Variants in LRP1B observed in about 807,000 individuals in gnomAD.
The protein encoded by LRP1B is low-density lipoprotein receptor-related protein 1B.
LRP1B carries 217 observed loss-of-function variants against 556.6 expected under a neutral mutation model. The ratio of observed to expected loss-of-function variants is 0.39; its 90% CI spans 0.35 to 0.44. The LOEUF (loss-of-function observed/expected upper bound fraction) is 0.44. LRP1B is among the 20% of genes least tolerant of loss of function. The pLI, the probability that LRP1B is intolerant of heterozygous loss-of-function variation, is 1.00. For synonymous variants in LRP1B, 2,047 were observed against 1,865.8 expected (o/e 1.10, Z -2.50); for missense variants, 5,053 against 5,620.8 (o/e 0.90, Z 3.23).
At chr2:140,849,263 C>G (rs1340945024) in intron 29 of LRP1B, among the ~76,000 whole-genome samples, 1 of 146,812 alleles carries the variant, frequency 6.8e-6, no homozygotes, top group Non-Finnish European at 1.5e-5. Flanking sequence ...ATCCCAGCTA[C>G]TCAAGAGGCT....
chr2:140,830,172 T>C (rs1346041377), intron 31 of LRP1B, among the ~76,000 whole-genome samples: 1 of 152,020 alleles, frequency 6.6e-6, no homozygotes, highest in Non-Finnish European at 1.5e-5. Flanking sequence ...TAGCAAATTA[T>C]ACCACACATT....
chr2:141,238,298 C>G (rs1253177542), intron 5 of LRP1B, among the ~76,000 whole-genome samples: 1 of 151,992 alleles, frequency 6.6e-6, no homozygotes, highest in African/African-American at 2.4e-5. Flanking sequence ...ACATCTTTCT[C>G]TATGTTATAG....
intron 3 of LRP1B, among the ~76,000 whole-genome samples, chr2:141,408,922 C>T (rs1690744631): frequency 6.6e-6 from 1 of 152,130 alleles, no homozygotes; most frequent in Non-Finnish European, 1.5e-5. Context: ...CATTGACTTT[C>T]TCTTCTTCCG....
At chr2:141,049,897 C>T (rs1052179189) in intron 10 of LRP1B, among the ~76,000 whole-genome samples, 1 of 151,870 alleles carries the variant, frequency 6.6e-6, no homozygotes, top group Non-Finnish European at 1.5e-5. Flanking sequence ...AAATGAAAAC[C>T]CCAAGCAAAA....
intron 2 of LRP1B, 94 bp downstream of exon 2, chr2:141,810,185 G>GAAAGAAAGAAAGAAAGA: frequency 1.0e-6 from 1 of 1,002,354 alleles, no homozygotes; most frequent in Non-Finnish European, 1.4e-6. Context: ...AAGAAAGAAA[G>GAAAGAAAGAAAGAAAGA]AATCATCTAG....
At chr2:140,687,985 A>G (rs970477158) in intron 41 of LRP1B, among the ~76,000 whole-genome samples, 4 of 152,128 alleles carry the variant, frequency 2.6e-5, no homozygotes, top group African/African-American at 7.2e-5. Flanking sequence ...ACTTCCTGCC[A>G]TAAATCTCTC....
chr2:141,323,711 G>A (rs1687325887), intron 3 of LRP1B, among the ~76,000 whole-genome samples: 1 of 152,020 alleles, frequency 6.6e-6, no homozygotes, highest in Admixed American at 6.6e-5. Context: ...CAACTTGGCT[G>A]TACCTCTAGA....
intron 3 of LRP1B, among the ~76,000 whole-genome samples, chr2:141,260,199 A>T (rs1429553670): frequency 6.6e-6 from 1 of 152,122 alleles, no homozygotes; most frequent in East Asian, 1.9e-4. Flanking sequence ...AGAAATAAGG[A>T]TTTTCTACAT....
At chr2:141,745,580 G>A (rs777693247) in intron 2 of LRP1B, among the ~76,000 whole-genome samples, 2 of 152,024 alleles carry the variant, frequency 1.3e-5, no homozygotes, top group Non-Finnish European at 2.9e-5. Flanking sequence ...TCAGGGCAGT[G>A]AGCTTCCTTC....
chr2:141,412,062 G>A (rs1163739665), intron 3 of LRP1B, among the ~76,000 whole-genome samples: 3 of 151,770 alleles, frequency 2.0e-5, no homozygotes, highest in Non-Finnish European at 2.9e-5. Context: ...TAAATTAACA[G>A]CCCCAAATCA....
chr2:141,672,298 G>A (rs1033608214), intron 2 of LRP1B, among the ~76,000 whole-genome samples: 1 of 152,092 alleles, frequency 6.6e-6, no homozygotes, highest in African/African-American at 2.4e-5. Context: ...ATCACAGTAA[G>A]CACCCAGTAG....
chr2:140,308,082 A>T (rs1684141361), intron 83 of LRP1B, among the ~76,000 whole-genome samples: 1 of 151,786 alleles, frequency 6.6e-6, no homozygotes, highest in South Asian at 2.1e-4. Context: ...CAAGTAATAT[A>T]TCAATCACTA....
At chr2:142,123,132 C>T (rs991138250) in intron 1 of LRP1B, among the ~76,000 whole-genome samples, 1 of 152,000 alleles carries the variant, frequency 6.6e-6, no homozygotes, top group African/African-American at 2.4e-5. Flanking sequence ...ATCAGCATTA[C>T]ACCTACAGCT....
chr2:140,406,851 T>C (rs907194338), intron 66 of LRP1B, among the ~76,000 whole-genome samples: 1 of 152,016 alleles, frequency 6.6e-6, no homozygotes, highest in Non-Finnish European at 1.5e-5. Context: ...ATCTTAAAAA[T>C]CATATGGAAC....
chr2:140,890,634 A>G (rs1447858134), intron 23 of LRP1B, among the ~76,000 whole-genome samples: 4 of 152,030 alleles, frequency 2.6e-5, no homozygotes, highest in Non-Finnish European at 4.4e-5. Flanking sequence ...AAATTTTCAA[A>G]TGATTTTCTA....
chr2:141,386,414 AAGAT>A (rs758801876), intron 3 of LRP1B, among the ~76,000 whole-genome samples: 19 of 152,138 alleles, frequency 1.2e-4, no homozygotes, highest in Non-Finnish European at 2.4e-4. Context: ...TTAAAACACA[AAGAT>A]AGGCAGAATA....
At chr2:140,694,388 T>A (rs1686354241) in intron 41 of LRP1B, among the ~76,000 whole-genome samples, 1 of 152,206 alleles carries the variant, frequency 6.6e-6, no homozygotes, top group Admixed American at 6.5e-5. Flanking sequence ...TGTATTTCCT[T>A]AGTAGTCTGA....
intron 2 of LRP1B, among the ~76,000 whole-genome samples, chr2:141,743,486 C>A (rs557946674): frequency 2.8e-5 from 3 of 108,044 alleles, no homozygotes; most frequent in South Asian, 3.2e-4. Context: ...CTGCTTTTTT[C>A]TTTTTTTTTT....
At chr2:141,670,464 C>T (rs1283429274) in intron 2 of LRP1B, among the ~76,000 whole-genome samples, 1 of 151,976 alleles carries the variant, frequency 6.6e-6, no homozygotes. Context: ...AATTCCATGC[C>T]ACAGACAGGA....
Sources: gnomAD v4.1 joint callset for allele counts (sites outside exome capture counted in the v4.1 genomes callset) on GRCh38, gnomAD v4.1.1 for gene constraint, MANE v1.5 for transcripts, NCBI Gene and HGNC (gene_info 2026-07-23, HGNC 2026-07-21) for gene names.